Variants in SEMA5A observed in about 807,000 individuals in gnomAD.
The protein encoded by SEMA5A is semaphorin 5A.
In SEMA5A, 55 loss-of-function variants were observed where a neutral mutation model predicts 135.5. The observed-to-expected ratio is 0.41, with a 90% confidence interval of 0.33 to 0.51. SEMA5A has a LOEUF of 0.51. Ranked by LOEUF, SEMA5A falls within the 20% of genes least tolerant of loss-of-function variation. The pLI is 0.37. For missense variants in SEMA5A, 1,290 were observed against 1,419.9 expected (o/e 0.91, Z 1.47); for synonymous variants, 580 against 546.5 (o/e 1.06, Z -0.85).
intron 1 of SEMA5A, among the ~76,000 whole-genome samples, chr5:9,474,052 G>A (rs73036747): frequency 0.01 from 1,589 of 152,246 alleles, 26 homozygotes; most frequent in African/African-American, 0.036. Flanking sequence ...CACAAAAAGC[G>A]ATGTCAAATG....
intron 1 of SEMA5A, among the ~76,000 whole-genome samples, chr5:9,457,315 T>C (rs1758876467): frequency 6.6e-6 from 1 of 152,228 alleles, no homozygotes; most frequent in South Asian, 2.1e-4. Context: ...CTGTCACCAA[T>C]TTCTACCTGT....
At chr5:9,184,668 T>C (rs1174197712) in intron 11 of SEMA5A, among the ~76,000 whole-genome samples, 1 of 152,244 alleles carries the variant, frequency 6.6e-6, no homozygotes, top group Admixed American at 6.5e-5. Context: ...GTCATTTTGA[T>C]CTTCTATTTA....
intron 16 of SEMA5A, among the ~76,000 whole-genome samples, chr5:9,078,730 G>T (rs1250986276): frequency 6.6e-6 from 1 of 151,970 alleles, no homozygotes; most frequent in Non-Finnish European, 1.5e-5. Context: ...GACCAAACTG[G>T]CTCCATTTTT....
intron 1 of SEMA5A, among the ~76,000 whole-genome samples, chr5:9,455,439 G>A (rs2126714915): frequency 6.6e-6 from 1 of 151,946 alleles, no homozygotes; most frequent in East Asian, 1.9e-4. Flanking sequence ...TGTATTTTTA[G>A]TAGAGACGGG....
chr5:9,533,243 C>T (rs1217498196), intron 1 of SEMA5A, among the ~76,000 whole-genome samples: 1 of 152,182 alleles, frequency 6.6e-6, no homozygotes, highest in African/African-American at 2.4e-5. Flanking sequence ...CCCAGCTACC[C>T]CTCTGAACAT....
At chr5:9,125,457 A>G (rs1244127513) in intron 13 of SEMA5A, among the ~76,000 whole-genome samples, 3 of 152,114 alleles carry the variant, frequency 2.0e-5, no homozygotes, top group Non-Finnish European at 4.4e-5. Flanking sequence ...TAAACTCCAC[A>G]TGCATTAGGT....
intron 1 of SEMA5A, among the ~76,000 whole-genome samples, chr5:9,468,559 G>A (rs1759349507): frequency 8.5e-6 from 1 of 118,130 alleles, no homozygotes; most frequent in Admixed American, 8.8e-5. Context: ...ACTCTTCCTA[G>A]TACTATAAGT....
intron 5 of SEMA5A, chr5:9,265,620 T>C (rs954091415): frequency 2.2e-6 from 1 of 448,486 alleles, no homozygotes; most frequent in Non-Finnish European, 4.5e-6. Flanking sequence ...GCTATCCCCA[T>C]AACTCTAGGG....
At chr5:9,353,738 T>C (rs1284920289) in intron 3 of SEMA5A, among the ~76,000 whole-genome samples, 1 of 152,196 alleles carries the variant, frequency 6.6e-6, no homozygotes, top group Non-Finnish European at 1.5e-5. Context: ...GAGTATTTTC[T>C]ACACTTTCAC....
At chr5:9,424,643 C>G (rs900220305) in intron 2 of SEMA5A, among the ~76,000 whole-genome samples, 12 of 152,142 alleles carry the variant, frequency 7.9e-5, no homozygotes, top group African/African-American at 2.9e-4. Context: ...TGTTGCGTTT[C>G]CCTCCAACCC....
intron 3 of SEMA5A, among the ~76,000 whole-genome samples, chr5:9,340,153 G>T: frequency 6.6e-6 from 1 of 152,142 alleles, no homozygotes. Context: ...GTTAAACATC[G>T]CTAAGACCTA....
At chr5:9,427,606 C>A (rs961298803) in intron 2 of SEMA5A, among the ~76,000 whole-genome samples, 1 of 152,190 alleles carries the variant, frequency 6.6e-6, no homozygotes, top group Non-Finnish European at 1.5e-5. Flanking sequence ...ATCACAACTG[C>A]TGCTCACAGC....
chr5:9,298,157 A>T (rs1211728888), intron 5 of SEMA5A, among the ~76,000 whole-genome samples: 7 of 151,646 alleles, frequency 4.6e-5, no homozygotes, highest in African/African-American at 1.7e-4. Flanking sequence ...TTAAAATGAG[A>T]TCATTAGGGT....
At chr5:9,273,755 T>G (rs908280311) in intron 5 of SEMA5A, among the ~76,000 whole-genome samples, 3 of 151,980 alleles carry the variant, frequency 2.0e-5, no homozygotes, top group African/African-American at 7.2e-5. Context: ...CATAAGTGAA[T>G]GAGAAATAAA....
At chr5:9,212,449 A>G (rs1806036) in intron 8 of SEMA5A, among the ~76,000 whole-genome samples, 3,582 of 152,324 alleles carry the variant, frequency 0.024, 142 homozygotes, top group African/African-American at 0.081. Flanking sequence ...AAATATATTC[A>G]TTACCAAACA....
intron 1 of SEMA5A, among the ~76,000 whole-genome samples, chr5:9,542,498 T>C (rs1738149049): frequency 1.3e-5 from 2 of 152,356 alleles, no homozygotes; most frequent in South Asian, 2.1e-4. Flanking sequence ...AAATGTACAA[T>C]GCTTCACTTT....
chr5:9,476,552 A>G (rs1759673820), intron 1 of SEMA5A, among the ~76,000 whole-genome samples: 1 of 152,190 alleles, frequency 6.6e-6, no homozygotes, highest in Non-Finnish European at 1.5e-5. Flanking sequence ...CCCTCTGAAG[A>G]CAGGCTGGAT....
intron 5 of SEMA5A, among the ~76,000 whole-genome samples, chr5:9,288,587 T>C (rs1296274515): frequency 2.0e-5 from 3 of 152,188 alleles, no homozygotes; most frequent in Admixed American, 2.0e-4. Context: ...TCGAAGATGA[T>C]AAAACAGGAG....
At chr5:9,312,268 A>G (rs1464947605) in intron 5 of SEMA5A, among the ~76,000 whole-genome samples, 1 of 151,428 alleles carries the variant, frequency 6.6e-6, no homozygotes, top group African/African-American at 2.4e-5. Flanking sequence ...GAAACAAATT[A>G]TGGCCAACCA....
Sources: gnomAD v4.1 joint callset for allele counts (sites outside exome capture counted in the v4.1 genomes callset) on GRCh38, gnomAD v4.1.1 for gene constraint, MANE v1.5 for transcripts, NCBI Gene and HGNC (gene_info 2026-07-23, HGNC 2026-07-21) for gene names.